Variants in FGF12 observed in about 807,000 individuals in gnomAD.
FGF12 encodes the protein fibroblast growth factor 12B.
A neutral mutation model predicts 23.6 loss-of-function variants in FGF12; 14 were observed. The ratio of observed to expected loss-of-function variants is 0.59; its 90% CI spans 0.39 to 0.93. The LOEUF (loss-of-function observed/expected upper bound fraction) is 0.93, where lower values mean the gene tolerates loss of function less well. Among genes scored for constraint, FGF12 ranks in the 40% least tolerant of loss-of-function variants. The pLI, the probability that FGF12 is intolerant of heterozygous loss-of-function variation, is 0.00. For missense variants in FGF12, 175 were observed against 217.8 expected, an observed-to-expected ratio of 0.80 and a Z score of 1.24; for synonymous variants, 62 against 77.3, an observed-to-expected ratio of 0.80 and a Z score of 1.04.
At chr3:192,670,587 T>C (rs893430458) in intron 2 of FGF12, among the ~76,000 whole-genome samples, 4 of 152,184 alleles carry the variant, frequency 2.6e-5, no homozygotes, top group Admixed American at 6.5e-5. Context: ...TCCATTGGGA[T>C]AGATCTACGG....
At chr3:192,641,985 A>G (rs889165142) in intron 2 of FGF12, among the ~76,000 whole-genome samples, 5 of 152,178 alleles carry the variant, frequency 3.3e-5, no homozygotes, top group African/African-American at 4.8e-5. Flanking sequence ...GATGTTTAAT[A>G]TGTTGATGTG....
intron 4 of FGF12, among the ~76,000 whole-genome samples, chr3:192,291,361 A>G (rs1171892498): frequency 6.6e-6 from 1 of 152,108 alleles, no homozygotes; most frequent in Non-Finnish European, 1.5e-5. Context: ...GAGAAGGATC[A>G]CTTGAAACCA....
intron 2 of FGF12, among the ~76,000 whole-genome samples, chr3:192,616,196 G>T (rs1163424847): frequency 1.3e-5 from 2 of 151,940 alleles, no homozygotes; most frequent in African/African-American, 2.4e-5. Context: ...GCAAAGAAAA[G>T]AAAGTGTGCC....
intron 5 of FGF12, among the ~76,000 whole-genome samples, chr3:192,169,088 CCCA>C (rs1377443926): frequency 6.6e-6 from 1 of 152,184 alleles, no homozygotes; most frequent in Non-Finnish European, 1.5e-5. Context: ...CGCTTGTAAT[CCCA>C]GCACTTTGGG....
chr3:192,677,793 C>T (rs544668134), intron 2 of FGF12, among the ~76,000 whole-genome samples: 14 of 152,160 alleles, frequency 9.2e-5, no homozygotes, highest in Admixed American at 6.5e-5. Context: ...GTACCCTAAG[C>T]GGACTCCCAG....
intron 4 of FGF12, among the ~76,000 whole-genome samples, chr3:192,322,088 C>A (rs1474166127): frequency 2.0e-5 from 3 of 151,608 alleles, no homozygotes; most frequent in Non-Finnish European, 3.0e-5. Flanking sequence ...AAAAAAAACA[C>A]ACAACTCTTC....
At chr3:192,617,443 G>A (rs1714802127) in intron 2 of FGF12, among the ~76,000 whole-genome samples, 1 of 152,024 alleles carries the variant, frequency 6.6e-6, no homozygotes, top group African/African-American at 2.4e-5. Context: ...AATTGGAGAA[G>A]TCATTCTCCC....
intron 2 of FGF12, among the ~76,000 whole-genome samples, chr3:192,589,644 T>C (rs1281059129): frequency 6.6e-6 from 1 of 151,700 alleles, no homozygotes; most frequent in Non-Finnish European, 1.5e-5. Flanking sequence ...ATAGGATTCA[T>C]GGGATGGAGG....
At chr3:192,356,883 C>T (rs1055892151) in intron 3 of FGF12, among the ~76,000 whole-genome samples, 9 of 152,110 alleles carry the variant, frequency 5.9e-5, no homozygotes, top group African/African-American at 1.9e-4. Context: ...AATCCTTCTT[C>T]GATATTTTGA....
rs1315816411 is a variant in FGF12, at chr3:192,345,584, G to A, written c.125-10120C>T. 2.3e-4 allele frequency among the ~76,000 whole-genome samples: 19 copies of A among 84,416 alleles called. 5 individuals carry two copies. The highest frequency in any genetic ancestry group is 1.2e-3 in the South Asian group (3 of 2,574). The allele number at this position is 84,416 out of a possible 152,430, so 55.4% of individuals were successfully genotyped here. On this transcript the variant is annotated intron_variant, in intron 3 of 5. Transcript: ENST00000445105. Reference sequence around the variant, plus strand: ...CGCCTGTAGTCCCAGCTACTCGGGAGGCTGAGGCAGGGGAATGGCGTGAAC... The same window carrying A: ...CGCCTGTAGTCCCAGCTACTCGGGAAGCTGAGGCAGGGGAATGGCGTGAAC...
At chr3:192,232,100 C>G (rs566595849) in intron 4 of FGF12, among the ~76,000 whole-genome samples, 2 of 150,752 alleles carry the variant, frequency 1.3e-5, no homozygotes, top group African/African-American at 4.9e-5. Context: ...CTTTTTTTTT[C>G]TTGTAACTTC....
At chr3:192,415,732 T>TCA (rs572589902) in intron 2 of FGF12, among the ~76,000 whole-genome samples, 4,508 of 117,846 alleles carry the variant, frequency 0.038, 146 homozygotes, top group African/African-American at 0.098. Context: ...TCTCTCTCTC[T>TCA]CACACACACA....
intron 2 of FGF12, among the ~76,000 whole-genome samples, chr3:192,488,678 G>A (rs1043729171): frequency 6.6e-6 from 1 of 152,058 alleles, no homozygotes. Flanking sequence ...TTAATTGGAT[G>A]AGAACCTCGT....
chr3:192,425,318 C>T (rs902034917), intron 2 of FGF12, among the ~76,000 whole-genome samples: 1 of 152,190 alleles, frequency 6.6e-6, no homozygotes, highest in African/African-American at 2.4e-5. Flanking sequence ...GAAGGACACT[C>T]TTCTCAATTA....
chr3:192,719,308 T>C (rs908244053), intron 2 of FGF12, among the ~76,000 whole-genome samples: 2 of 152,216 alleles, frequency 1.3e-5, no homozygotes, highest in Non-Finnish European at 2.9e-5. Flanking sequence ...AATCAACCAA[T>C]GGTCTCATTT....
At chr3:192,723,558 C>G (rs2108748588) in intron 2 of FGF12, among the ~76,000 whole-genome samples, 1 of 152,186 alleles carries the variant, frequency 6.6e-6, no homozygotes, top group Admixed American at 6.5e-5. Flanking sequence ...TTCTAACAAG[C>G]TCCCAGGTGA....
chr3:192,212,256 A>G (rs1035050146), intron 4 of FGF12, among the ~76,000 whole-genome samples: 1 of 152,226 alleles, frequency 6.6e-6, no homozygotes, highest in African/African-American at 2.4e-5. Flanking sequence ...AAGGTTATAT[A>G]GTGAAGATTT....
chr3:192,203,569 T>C (rs1453933791), intron 4 of FGF12, among the ~76,000 whole-genome samples: 17 of 148,718 alleles, frequency 1.1e-4, no homozygotes, highest in African/African-American at 2.5e-5. Context: ...TTCTTTACTT[T>C]TTTTTTTTTT....
At chr3:192,392,590 C>CTG (rs1560097102) in intron 2 of FGF12, among the ~76,000 whole-genome samples, 8 of 89,102 alleles carry the variant, frequency 9.0e-5, no homozygotes, top group African/African-American at 4.5e-4. Flanking sequence ...AAGTGAAACT[C>CTG]CGAGAGAGAG....
Sources: gnomAD v4.1 joint callset for allele counts (sites outside exome capture counted in the v4.1 genomes callset) on GRCh38, gnomAD v4.1.1 for gene constraint, MANE v1.5 for transcripts, NCBI Gene and HGNC (gene_info 2026-07-23, HGNC 2026-07-21) for gene names.